Variants in ARHGAP31 observed in about 807,000 individuals in gnomAD.
ARHGAP31 encodes the protein Rho GTPase activating protein 31.
A neutral mutation model predicts 113.9 loss-of-function variants in ARHGAP31; 34 were observed. That is an observed-to-expected ratio of 0.30 (90% CI 0.23 to 0.40). ARHGAP31 has a LOEUF of 0.40. Among genes scored for constraint, ARHGAP31 ranks in the 10% least tolerant of loss-of-function variants. ARHGAP31 has a pLI of 1.00. For missense variants in ARHGAP31, 1,548 were observed against 1,767.1 expected, an observed-to-expected ratio of 0.88 and a Z score of 2.22; for synonymous variants, 650 against 684.8, an observed-to-expected ratio of 0.95 and a Z score of 0.79.
chr3:119,372,644 G>GA (rs930940653), intron 3 of ARHGAP31, among the ~76,000 whole-genome samples: 1 of 152,082 alleles, frequency 6.6e-6, no homozygotes, highest in Non-Finnish European at 1.5e-5. Flanking sequence ...GAGAGAATAA[G>GA]AAAAAATATT....
chr3:119,353,262 A>C (rs948747335), intron 1 of ARHGAP31, among the ~76,000 whole-genome samples: 3 of 151,982 alleles, frequency 2.0e-5, no homozygotes, highest in Non-Finnish European at 4.4e-5. Flanking sequence ...AACGCACACA[A>C]TTTCCTGTTC....
chr3:119,300,863 A>C (rs1209429665), intron 1 of ARHGAP31, among the ~76,000 whole-genome samples: 1 of 151,432 alleles, frequency 6.6e-6, no homozygotes, highest in African/African-American at 2.4e-5. Flanking sequence ...AGAAAGAAAG[A>C]AAGAAAGAAA....
At chr3:119,298,937 C>G (rs2079556441) in intron 1 of ARHGAP31, 1 of 229,100 alleles carries the variant, frequency 4.4e-6, no homozygotes, top group Admixed American at 4.0e-5. Context: ...CTCGTGAAGC[C>G]TGCAAGGACC....
intron 1 of ARHGAP31, among the ~76,000 whole-genome samples, chr3:119,327,746 A>G (rs1051682565): frequency 6.6e-6 from 1 of 152,206 alleles, no homozygotes; most frequent in African/African-American, 2.4e-5. Flanking sequence ...CCACAGGAGC[A>G]GAGAATTTTG....
intron 3 of ARHGAP31, among the ~76,000 whole-genome samples, chr3:119,374,366 C>G (rs2080329740): frequency 6.6e-6 from 1 of 152,212 alleles, no homozygotes; most frequent in Non-Finnish European, 1.5e-5. Context: ...TCCACCATGA[C>G]TGTTAGCTTC....
intron 1 of ARHGAP31, among the ~76,000 whole-genome samples, chr3:119,330,576 C>A (rs1241683391): frequency 6.6e-6 from 1 of 152,126 alleles, no homozygotes; most frequent in East Asian, 1.9e-4. Context: ...GAACCATAAA[C>A]CTGGATTTAT....
Position 119,401,820 on chromosome 3 carries a change from A to G in ARHGAP31, c.1070-2A>G, listed in dbSNP as rs1372290624. The G allele has an allele frequency of 6.2e-7, 1 of 1,613,812 alleles. No homozygotes were observed. The highest frequency in any genetic ancestry group is 1.1e-5 in the South Asian group (1 of 90,974). The stretch of plus-strand genomic sequence containing the variant: ...GACCATACACTTGTTCCTTTTTACT[A>G]GGAAAAGAAACCAAGGGAAATTTCA... On this transcript the variant is annotated splice_acceptor_variant, in intron 9 of 11. Coordinates refer to ENST00000264245, the MANE Select transcript of ARHGAP31 (RefSeq NM_020754.4). LOFTEE classifies it high-confidence loss of function.
intron 7 of ARHGAP31, 109 bp downstream of exon 7, chr3:119,391,092 G>A (rs143472091): frequency 3.1e-5 from 39 of 1,241,354 alleles, no homozygotes; most frequent in East Asian, 9.8e-5. Flanking sequence ...TGGAGGTACC[G>A]TCTGGGTTGG....
rs2079994028 is a variant in ARHGAP31, at chr3:119,340,009, G to A, written c.101-25307G>A. On this transcript the variant is annotated intron_variant, in intron 1 of 11. Transcript: ENST00000264245. ...TCAGATATCGAGAGGAAGAAAATAG[G>A]TGCAAACTGCACATCCAACAAAGCA... 2.0e-5 allele frequency among the ~76,000 whole-genome samples: 3 copies of A among 152,138 alleles called. No homozygotes were observed. In the South Asian group the frequency reaches 6.2e-4, roughly 32 times the overall value.
intron 3 of ARHGAP31, among the ~76,000 whole-genome samples, chr3:119,374,742 T>C (rs2080333183): frequency 1.3e-5 from 2 of 152,154 alleles, no homozygotes; most frequent in Non-Finnish European, 2.9e-5. Flanking sequence ...TGATTATGTT[T>C]CCCAAGGCCT....
chr3:119,297,909 A>AACACACACACACACACACACAC (rs10575145), intron 1 of ARHGAP31, among the ~76,000 whole-genome samples: 131 of 142,772 alleles, frequency 9.2e-4, no homozygotes, highest in African/African-American at 3.1e-3. Context: ...TTTCCTTAGA[A>AACACACACACACACACACACAC]ACACACACAC....
At chr3:119,321,983 T>C (rs1182127595) in intron 1 of ARHGAP31, among the ~76,000 whole-genome samples, 11 of 152,212 alleles carry the variant, frequency 7.2e-5, no homozygotes, top group Non-Finnish European at 1.3e-4. Flanking sequence ...ATATGCCAGT[T>C]TATTCCCTGC....
intron 3 of ARHGAP31, among the ~76,000 whole-genome samples, chr3:119,375,584 G>A (rs976945310): frequency 6.6e-6 from 1 of 151,962 alleles, no homozygotes; most frequent in Non-Finnish European, 1.5e-5. Context: ...TGATATCGTC[G>A]GGAGCAATTA....
chr3:119,333,901 T>A (rs2079918192), intron 1 of ARHGAP31, among the ~76,000 whole-genome samples: 1 of 152,224 alleles, frequency 6.6e-6, no homozygotes, highest in Non-Finnish European at 1.5e-5. Flanking sequence ...ATCCTGCTCA[T>A]TAAATGTGGT....
At chr3:119,377,507 A>G (rs1291002342) in intron 3 of ARHGAP31, among the ~76,000 whole-genome samples, 1 of 152,206 alleles carries the variant, frequency 6.6e-6, no homozygotes, top group East Asian at 1.9e-4. Flanking sequence ...CAGCGGGGAC[A>G]CGCTGAGCTT....
At chr3:119,377,577 G>A (rs1298662495) in intron 3 of ARHGAP31, among the ~76,000 whole-genome samples, 5 of 152,096 alleles carry the variant, frequency 3.3e-5, no homozygotes, top group African/African-American at 9.7e-5. Flanking sequence ...TGGAAATGAC[G>A]GGAGACGGAG....
chr3:119,314,374 TCCTCATCCCCA>T (rs2079711146), intron 1 of ARHGAP31: 1 of 152,332 alleles, frequency 6.6e-6, no homozygotes, highest in African/African-American at 2.4e-5. Context: ...GCTCTTATCA[TCCTCATCCCCA>T]CCTAATCCCT....
At chr3:119,327,455 G>A (rs1402346159) in intron 1 of ARHGAP31, among the ~76,000 whole-genome samples, 1 of 151,998 alleles carries the variant, frequency 6.6e-6, no homozygotes, top group Non-Finnish European at 1.5e-5. Context: ...TGAGGCTGGA[G>A]AATCGCTTGA....
chr3:119,384,088 T>C (rs1254539073), intron 6 of ARHGAP31, among the ~76,000 whole-genome samples: 1 of 152,214 alleles, frequency 6.6e-6, no homozygotes, highest in East Asian at 1.9e-4. Context: ...TAAAAAACCA[T>C]ATCTGCAATA....
Sources: allele counts gnomAD v4.1 joint callset (sites outside exome capture counted in the v4.1 genomes callset), GRCh38; gene constraint gnomAD v4.1.1; transcripts MANE v1.5; gene names NCBI Gene and HGNC (gene_info 2026-07-23, HGNC 2026-07-21).